Variants in SGCZ observed in about 807,000 individuals in gnomAD.
The protein encoded by SGCZ is zeta-sarcoglycan.
In SGCZ, 40 loss-of-function variants were observed where a neutral mutation model predicts 41.3. The ratio of observed to expected loss-of-function variants is 0.97; its 90% CI spans 0.75 to 1.26. The LOEUF (loss-of-function observed/expected upper bound fraction) is 1.26. Among genes scored for constraint, SGCZ ranks in the 50% most tolerant of loss-of-function variants. The pLI is 0.00. For synonymous variants in SGCZ, 206 were observed against 137.5 expected (o/e 1.50, Z -3.49); for missense variants, 552 against 369.8 (o/e 1.49, Z -4.04).
intron 1 of SGCZ, among the ~76,000 whole-genome samples, chr8:14,930,005 C>A (rs1037117590): frequency 6.6e-6 from 1 of 151,890 alleles, no homozygotes; most frequent in Non-Finnish European, 1.5e-5. Context: ...TCCTGACATC[C>A]CTGAACTTTG....
At chr8:15,115,225 C>G (rs1281230905) in intron 1 of SGCZ, among the ~76,000 whole-genome samples, 2 of 152,116 alleles carry the variant, frequency 1.3e-5, no homozygotes, top group Non-Finnish European at 2.9e-5. Flanking sequence ...TCCGAGCTAT[C>G]AAAGGCAGGG....
chr8:14,814,623 T>C (rs1801842139), intron 1 of SGCZ, among the ~76,000 whole-genome samples: 1 of 152,032 alleles, frequency 6.6e-6, no homozygotes, highest in Non-Finnish European at 1.5e-5. Context: ...ATTTTAAGAG[T>C]TCAGAGAAGA....
chr8:14,891,068 C>A (rs1048764391), intron 1 of SGCZ, among the ~76,000 whole-genome samples: 5 of 152,156 alleles, frequency 3.3e-5, no homozygotes, highest in African/African-American at 1.2e-4. Context: ...AACCAAAAGG[C>A]CTGGAGATAC....
At chr8:14,319,045 G>A (rs1001750903) in intron 3 of SGCZ, among the ~76,000 whole-genome samples, 1 of 151,772 alleles carries the variant, frequency 6.6e-6, no homozygotes, top group African/African-American at 2.4e-5. Flanking sequence ...TGTATTTAGA[G>A]GAATCATATA....
At chr8:14,684,711 GT>G (rs1808556063) in intron 1 of SGCZ, among the ~76,000 whole-genome samples, 1 of 149,584 alleles carries the variant, frequency 6.7e-6, no homozygotes, top group African/African-American at 2.5e-5. Context: ...TTTTTTTTTG[GT>G]TTTTGGTAAA....
chr8:14,180,014 A>C (rs1407123144), intron 4 of SGCZ, among the ~76,000 whole-genome samples: 1 of 152,194 alleles, frequency 6.6e-6, no homozygotes, highest in Non-Finnish European at 1.5e-5. Flanking sequence ...CAGAGATGCC[A>C]AAGGGATATA....
At chr8:15,002,762 T>C (rs143609849) in intron 1 of SGCZ, among the ~76,000 whole-genome samples, 2 of 152,266 alleles carry the variant, frequency 1.3e-5, no homozygotes, top group African/African-American at 4.8e-5. Context: ...CTTTTGTAAC[T>C]CAGAATAATT....
intron 2 of SGCZ, among the ~76,000 whole-genome samples, chr8:14,430,757 C>T (rs1316348215): frequency 1.3e-5 from 2 of 152,100 alleles, no homozygotes; most frequent in Non-Finnish European, 2.9e-5. Flanking sequence ...GTCAAAATGT[C>T]GTTGTTTACT....
chr8:15,157,737 T>C (rs1268224895), intron 1 of SGCZ, among the ~76,000 whole-genome samples: 1 of 152,166 alleles, frequency 6.6e-6, no homozygotes, highest in African/African-American at 2.4e-5. Context: ...ACCTTTACAG[T>C]ACTAGATCAT....
At chr8:14,326,703 A>C (rs1802130808) in intron 2 of SGCZ, among the ~76,000 whole-genome samples, 1 of 152,208 alleles carries the variant, frequency 6.6e-6, no homozygotes, top group Admixed American at 6.5e-5. Flanking sequence ...TTCAGATGAG[A>C]AAATACATAC....
chr8:14,377,871 A>G (rs1233501798), intron 2 of SGCZ, among the ~76,000 whole-genome samples: 1 of 151,504 alleles, frequency 6.6e-6, no homozygotes, highest in Non-Finnish European at 1.5e-5. Flanking sequence ...ATCATTTTTT[A>G]TGGCTGCATA....
chr8:14,707,532 G>A (rs373515411), intron 1 of SGCZ, among the ~76,000 whole-genome samples: 19 of 152,090 alleles, frequency 1.2e-4, no homozygotes, highest in African/African-American at 2.2e-4. Context: ...TCAAATCTAC[G>A]TCTATAAAAG....
chr8:14,125,767 A>G lies in SGCZ; in HGVS notation c.548-17532T>C, dbSNP rs543285822. Reference sequence around the variant, plus strand: ...ACCAAAATCACATGGTACTGGTACCATAACAGACATATAGACCAATGGAAC... The same window carrying G: ...ACCAAAATCACATGGTACTGGTACCGTAACAGACATATAGACCAATGGAAC... On this transcript the variant is annotated intron_variant, in intron 5 of 7. Transcript: ENST00000382080. Among the ~76,000 whole-genome samples the G allele has an allele frequency of 1.4e-4, 21 of 152,342 alleles. No homozygotes were observed. In the South Asian group the frequency reaches 4.1e-3, roughly 30 times the overall value.
At position 14,982,452 on chromosome 8, in the gene SGCZ, A is replaced by G. The variant is rs528345744; in HGVS notation, c.39+255133T>C. 3.7e-4 allele frequency among the ~76,000 whole-genome samples: 57 copies of G among 152,302 alleles called. No individual in the cohort carries two copies. The Middle Eastern group carries it at 0.024, about 64-fold the overall frequency. On this transcript the variant is annotated intron_variant, in intron 1 of 7. Transcript: ENST00000382080. ...ATATTTCTCAAAAGATTGTAATGAG[A>G]GTGTAATTGTATCAATGGGCTTTGG...
At chr8:15,015,239 T>A (rs1281967594) in intron 1 of SGCZ, among the ~76,000 whole-genome samples, 2 of 149,974 alleles carry the variant, frequency 1.3e-5, no homozygotes, top group African/African-American at 5.0e-5. Context: ...TGAGACTCCA[T>A]CTTAAAAAAA....
At chr8:14,702,297 T>C (rs1190299728) in intron 1 of SGCZ, among the ~76,000 whole-genome samples, 5 of 151,986 alleles carry the variant, frequency 3.3e-5, no homozygotes, top group Admixed American at 2.6e-4. Context: ...GTTTTTCCTT[T>C]ACTGACACTT....
intron 2 of SGCZ, among the ~76,000 whole-genome samples, chr8:14,401,389 A>C (rs1440294008): frequency 2.0e-5 from 3 of 148,908 alleles, no homozygotes; most frequent in Non-Finnish European, 4.5e-5. Flanking sequence ...TACACCCAAT[A>C]ACTCGTCATC....
chr8:14,239,880 C>T (rs4567039), intron 3 of SGCZ, among the ~76,000 whole-genome samples: 43 of 115,608 alleles, frequency 3.7e-4, no homozygotes, highest in African/African-American at 1.5e-3. Context: ...CCAGCCTGGG[C>T]GACAGAGCGA....
intron 1 of SGCZ, among the ~76,000 whole-genome samples, chr8:15,108,350 C>T (rs115830996): frequency 6.6e-6 from 1 of 152,146 alleles, no homozygotes; most frequent in Admixed American, 6.6e-5. Context: ...GCTCACTACC[C>T]TATGCCCTGC....
Sources: allele counts gnomAD v4.1 joint callset (sites outside exome capture counted in the v4.1 genomes callset), GRCh38; gene constraint gnomAD v4.1.1; transcripts MANE v1.5; gene names NCBI Gene and HGNC (gene_info 2026-07-23, HGNC 2026-07-21).